Variants in IGSF9 observed in about 807,000 individuals in gnomAD.
The protein encoded by IGSF9 is protein turtle homolog A.
A neutral mutation model predicts 121.7 loss-of-function variants in IGSF9; 87 were observed. That is an observed-to-expected ratio of 0.71 (90% CI 0.60 to 0.85). IGSF9 has a LOEUF of 0.85. Among genes scored for constraint, IGSF9 ranks in the 40% least tolerant of loss-of-function variants. The pLI is 0.00. For missense variants in IGSF9, 1,462 were observed against 1,565.3 expected (o/e 0.93, Z 1.11); for synonymous variants, 640 against 648.4 (o/e 0.99, Z 0.20).
At position 159,928,865 on chromosome 1, in the gene IGSF9, A is replaced by C. The variant is rs1274328413; in HGVS notation, c.2523T>G (p.Pro841=). Residue 841 remains proline (P), a synonymous_variant, in exon 19 of 21, where the codon CCT becomes CCG. Transcript: ENST00000368094. ...CTGGGCCCCGGCAAATGGGCTCCAGAGGTAAGGGTCCCCGGCTAGATGGAG... is the reference window on the plus strand; with the variant it reads ...CTGGGCCCCGGCAAATGGGCTCCAGCGGTAAGGGTCCCCGGCTAGATGGAG... ...PDPPSSRGPL[P]LEPICRGPDG... 1 of 1,586,658 alleles carries C rather than the reference A, an allele frequency of 6.3e-7. No homozygotes were observed. Among genetic ancestry groups the C allele is most frequent in the East Asian group, 2.3e-5 (1 of 43,860 alleles).
At chr1:159,929,488 C>G in intron 17 of IGSF9, 95 bp from the exon 18 acceptor site, 1 of 1,527,052 alleles carries the variant, frequency 6.5e-7, no homozygotes, top group South Asian at 1.2e-5. Flanking sequence ...CAACCCCATC[C>G]GGCTGGGAAA....
At position 159,931,210 on chromosome 1, in the gene IGSF9, C is replaced by A. The variant is rs1326364416; in HGVS notation, c.1565G>T (p.Gly522Val). 3 of 1,613,998 alleles carry A rather than the reference C, an allele frequency of 1.9e-6. No individual in the cohort carries two copies. Among genetic ancestry groups the A allele is most frequent in the Non-Finnish European group, 2.5e-6 (3 of 1,180,012 alleles). ...TNVSVVALPK[G>V]ANVSWEPGFD... ...GCCAGGCTCCCAGGAGACATTGGCACCCTTGGGCAAAGCCACCACGGACAC... is the reference window on the plus strand; with the variant it reads ...GCCAGGCTCCCAGGAGACATTGGCAACCTTGGGCAAAGCCACCACGGACAC... Residue 522 changes from glycine to valine, a missense_variant, in exon 13 of 21, where the codon GGT becomes GTT. Gly to Val is a moderately radical substitution (Grantham distance 109). Transcript: ENST00000368094. This position sits in a 1 kb window ranked among gnomAD's most constrained non-coding sequence, Gnocchi z 4.8.
At position 159,931,487 on chromosome 1, in the gene IGSF9, G is replaced by A. The variant is rs1310749071; in HGVS notation, c.1479C>T (p.Ala493=). The change falls in exon 12 of 21, where the codon GCC becomes GCT. Residue 493 remains alanine (A), a synonymous_variant. Transcript: ENST00000368094. This position sits in a 1 kb window ranked among gnomAD's most constrained non-coding sequence, Gnocchi z 4.8. The part of the protein sequence containing the change: ...HWECSASNAV[A]RVATSTNVYV... ...AGACGTTCGTGGAGGTGGCCACTCG[G>A]GCCACAGCATTGCTGGCACTGCATT... The A allele has an allele frequency of 2.5e-6, 4 of 1,613,948 alleles. No homozygotes were observed. The highest frequency in any genetic ancestry group is 3.4e-6 in the Non-Finnish European group (4 of 1,179,962).
intron 9 of IGSF9, chr1:159,933,974 AAAG>A (rs994688068): frequency 8.5e-6 from 5 of 585,626 alleles, no homozygotes; most frequent in African/African-American, 1.9e-5. Flanking sequence ...TTCTTTCCCC[AAAG>A]AAGACACAAA....
intron 7 of IGSF9, 42 bp downstream of exon 7, chr1:159,934,639 G>T: frequency 6.2e-7 from 1 of 1,613,938 alleles, no homozygotes; most frequent in Non-Finnish European, 8.5e-7. Context: ...GAGACTGTTT[G>T]TGAATTCCCC....
At position 159,931,992 on chromosome 1, in the gene IGSF9, C is replaced by A; in HGVS notation, c.1246-64G>T. 6 of 991,252 alleles carry A rather than the reference C, an allele frequency of 6.1e-6. No homozygotes were observed. The highest frequency in any genetic ancestry group is 9.2e-6 in the Non-Finnish European group (6 of 651,540). The allele number at this position is 991,252 out of a possible 1,614,324, so 61.4% of individuals were successfully genotyped here. ...ACATCTAAGGCTGGCTACTCCCTCT[C>A]TCTGTGCTCCCTGTCATGCCATGTC... is the stretch of plus-strand genomic sequence containing the variant. On this transcript the variant is annotated intron_variant, in intron 10 of 20. Coordinates refer to ENST00000368094, the MANE Select transcript of IGSF9 (RefSeq NM_001135050.2). The surrounding 1 kb of genome is among the most constrained non-coding windows in gnomAD (Gnocchi z 4.8).
chr1:159,938,121 G>A (rs1296553802), intron 3 of IGSF9, among the ~76,000 whole-genome samples: 1 of 152,092 alleles, frequency 6.6e-6, no homozygotes, highest in Non-Finnish European at 1.5e-5. Context: ...AACTGCACTC[G>A]GTGTCTAGGA....
intron 16 of IGSF9, 23 bp from the exon 17 acceptor site, chr1:159,929,837 G>A: frequency 6.3e-7 from 1 of 1,597,004 alleles, no homozygotes. Flanking sequence ...CCACGAGGGA[G>A]GGTCAGTGGA....
chr1:159,940,713 G>C (rs978370518), intron 3 of IGSF9, among the ~76,000 whole-genome samples: 1 of 152,226 alleles, frequency 6.6e-6, no homozygotes, highest in Non-Finnish European at 1.5e-5. Context: ...AAGAATAAAA[G>C]GTGGTGAGGG....
chr1:159,928,078 G>A lies in IGSF9; in HGVS notation c.3230+80C>T, dbSNP rs1296912086. On this transcript the variant is annotated intron_variant, in intron 19 of 20. Coordinates refer to ENST00000368094, the MANE Select transcript of IGSF9 (RefSeq NM_001135050.2). ...CCCAGGGTGGGAGTGGAGCAGAGAA[G>A]GTGCAGGGTATTGGGAGAGGGGTGA... is the stretch of plus-strand genomic sequence containing the variant. 1.6e-5 allele frequency: 25 copies of A among 1,529,518 alleles called. No homozygotes were observed. The Admixed American group carries it at 4.6e-4, about 28-fold the overall frequency. 94.7% of individuals were successfully genotyped at this position (1,529,518 alleles called of 1,614,324 possible).
At chr1:159,937,867 C>T (rs1228018925) in intron 3 of IGSF9, 29 bp from the exon 4 acceptor site, 2 of 1,603,282 alleles carry the variant, frequency 1.2e-6, no homozygotes, top group East Asian at 4.5e-5. Context: ...ATCAAGGGTG[C>T]TGAAGGAACC....
In IGSF9 at chr1:159,927,419, G is replaced by A. The variant is rs1571208260; in HGVS notation, c.3466C>T (p.Arg1156Ter). The change falls in exon 21 of 21, where the codon CGA becomes TGA. Residue 1156 changes from arginine (R) to a stop codon, truncating the protein, a stop_gained. Transcript: ENST00000368094. LOFTEE classifies it high-confidence loss of function. ...REEFLAFRRR[R>*]DATRARLPAY... ...GGTAGCCGAGCCCTAGTAGCATCTCGGCGGCGGCGGAAGGCCAGGAATTCC... is the reference window on the plus strand; with the variant it reads ...GGTAGCCGAGCCCTAGTAGCATCTCAGCGGCGGCGGAAGGCCAGGAATTCC... 8 of 1,613,966 alleles carry A rather than the reference G, an allele frequency of 5.0e-6. No homozygotes were observed. Among genetic ancestry groups the A allele is most frequent in the African/African-American group, 1.3e-5 (1 of 74,938 alleles).
chr1:159,927,891 T>TA lies in IGSF9; in HGVS notation c.3231-5dup, dbSNP rs60386431. On this transcript the variant is annotated splice_region_variant and splice_polypyrimidine_tract_variant and intron_variant, in intron 19 of 20. Transcript: ENST00000368094. ...CTCGTCCACAGATGTGTTCCTCCTGTAAAAAAAAAAAAAAAGACAAACATA... is the reference window on the plus strand; with the variant it reads ...CTCGTCCACAGATGTGTTCCTCCTGTAAAAAAAAAAAAAAAAGACAAACATA... The TA allele has an allele frequency of 4.4e-5, 68 of 1,545,260 alleles. No individual in the cohort carries two copies. The highest frequency in any genetic ancestry group is 8.5e-5 in the African/African-American group (6 of 70,542).
chr1:159,943,691 A>T lies in IGSF9; in HGVS notation c.-174-63T>A, dbSNP rs138664993. The T allele has an allele frequency of 5.4e-4, 216 of 400,328 alleles. 1 individual carries two copies. The highest frequency in any genetic ancestry group is 3.9e-3 in the African/African-American group (187 of 48,490). 24.8% of individuals were successfully genotyped at this position (400,328 alleles called of 1,614,324 possible). A position where few individuals can be genotyped will look rare whatever the true frequency, so the allele number is the denominator to read the frequency against. On this transcript the variant is annotated intron_variant, in intron 1 of 20. Transcript: ENST00000368094. ...AATACTGGAGCCCAGAAGAAACCCC[A>T]CCATTAGAGAAAGGCACTGGGAAGA...
rs768236383 is a variant in IGSF9 at position 159,929,717 on chromosome 1, G to T, written c.2247C>A (p.Ala749=). The change falls in exon 17 of 21, where the codon GCC becomes GCA. Residue 749 remains alanine (A), a synonymous_variant. Coordinates refer to ENST00000368094, the MANE Select transcript of IGSF9 (RefSeq NM_001135050.2). ...VVGGVCFLGV[A]VLVSILAGCL... ...AGCCGGCCAGGATGCTCACAAGGAC[G>T]GCCACTCCCAGAAAGCAGACTCCGC... 12 of 1,601,382 alleles carry T rather than the reference G, an allele frequency of 7.5e-6. No homozygotes were observed. In the Admixed American group the frequency reaches 1.0e-4, roughly 14 times the overall value.
At chr1:159,937,561 G>T in intron 4 of IGSF9, 125 bp downstream of exon 4, 2 of 1,029,082 alleles carry the variant, frequency 1.9e-6, no homozygotes, top group South Asian at 1.5e-5. Context: ...TCTCAGGAAG[G>T]GTGGGGCATC....
intron 1 of IGSF9, among the ~76,000 whole-genome samples, chr1:159,944,970 G>A (rs1000215251): frequency 6.6e-5 from 10 of 151,804 alleles, no homozygotes; most frequent in African/African-American, 9.7e-5. Flanking sequence ...GAGTAACTAG[G>A]CATCCCTAGA....
At chr1:159,941,791 G>T (rs1246430045) in intron 3 of IGSF9, among the ~76,000 whole-genome samples, 1 of 152,238 alleles carries the variant, frequency 6.6e-6, no homozygotes, top group Admixed American at 6.5e-5. Context: ...GGGCTGGTGG[G>T]CACAGCCGTT....
At chr1:159,937,941 C>T (rs1651253986) in intron 3 of IGSF9, 103 bp from the exon 4 acceptor site, 5 of 1,228,976 alleles carry the variant, frequency 4.1e-6, no homozygotes. Context: ...GGCTCAGTCT[C>T]TCCCAGTTAC....
Sources: gnomAD v4.1 joint callset for allele counts (sites outside exome capture counted in the v4.1 genomes callset) on GRCh38, gnomAD v4.1.1 for gene constraint, Gnocchi (gnomAD v3.1) non-coding constraint, MANE v1.5 for transcripts, NCBI Gene and HGNC (gene_info 2026-07-23, HGNC 2026-07-21) for gene names.